OR10Q1: variants seen among roughly 807,000 people sequenced by gnomAD.
OR10Q1 encodes olfactory receptor family 10 subfamily Q member 1.
For missense variants in OR10Q1, 435 were observed against 414.0 expected (o/e 1.05, Z -0.44); for synonymous variants, 211 against 180.5 (o/e 1.17, Z -1.35).
rs1437802143 is a variant in OR10Q1 at position 58,228,581 on chromosome 11, C to T, written c.295G>A (p.Ala99Thr). 4.3e-6 allele frequency: 7 copies of T among 1,614,016 alleles called. No homozygotes were observed. The highest frequency in any genetic ancestry group is 5.9e-6 in the Non-Finnish European group (7 of 1,180,016). Residue 99 changes from alanine (A) to threonine (T), a missense_variant, in exon 1 of 1, where the codon GCT (alanine) becomes ACT (threonine). Ala to Thr is a moderately conservative substitution (Grantham distance 58, BLOSUM62 0). Transcript: ENST00000316770. ...AAGAACATTTGGGCCCCACATCCAGCCAACGAAATGGGCTTCTGGGCCCCC... is the reference window on the plus strand; with the variant it reads ...AAGAACATTTGGGCCCCACATCCAGTCAACGAAATGGGCTTCTGGGCCCCC... Reference protein sequence around the residue: ...ILGAQKPISLAGCGAQMFFFV... With the variant: ...ILGAQKPISLTGCGAQMFFFV...
Position 58,228,137 on chromosome 11 carries a change from A to G in OR10Q1, c.739T>C (p.Ser247Pro), listed in dbSNP as rs1853109062. 6.2e-7 allele frequency: 1 copy of G among 1,614,046 alleles called. No homozygotes were observed. Among genetic ancestry groups the G allele is most frequent in the Non-Finnish European group, 8.5e-7 (1 of 1,180,052 alleles). ...EGRRRAFSTC[S>P]FHLTVVLLQY... The stretch of plus-strand genomic sequence containing the variant: ...AGCAGGACCACGGTGAGGTGGAAGG[A>G]GCAGGTGGAGAAGGCCCGGCGGCGG... Residue 247 changes from serine (S) to proline (P), a missense_variant, in exon 1 of 1, where the codon TCC (serine) becomes CCC (proline). Coordinates refer to ENST00000316770, the MANE Select transcript of OR10Q1 (RefSeq NM_001004471.2).
Position 58,228,538 on chromosome 11 carries a change from C to T in OR10Q1, c.338G>A (p.Ser113Asn). The T allele has an allele frequency of 6.2e-7, 1 of 1,614,106 alleles. No homozygotes were observed. Among genetic ancestry groups the T allele is most frequent in the Non-Finnish European group, 8.5e-7 (1 of 1,180,018 alleles). The change falls in exon 1 of 1, where the codon AGC (serine) becomes AAC (asparagine). Residue 113 changes from serine to asparagine, a missense_variant. Ser to Asn is a conservative substitution (Grantham distance 46). Coordinates refer to ENST00000316770, the MANE Select transcript of OR10Q1 (RefSeq NM_001004471.2). ...AQMFFFVTLGSTDCFLLAIMA... is the reference protein window; with the variant it reads ...AQMFFFVTLGNTDCFLLAIMA... ...GATCGCCAAGAGGAAACAGTCCGTG[C>T]TGCCGAGGGTGACAAAGAAGAACAT... is the stretch of plus-strand genomic sequence containing the variant.
At position 58,227,920 on chromosome 11, in the gene OR10Q1, T is replaced by C. The variant is rs1211288420; in HGVS notation, c.956A>G (p.Asn319Ser). The C allele has an allele frequency of 6.2e-7, 1 of 1,607,778 alleles. No homozygotes were observed. The highest frequency in any genetic ancestry group is 8.5e-7 in the Non-Finnish European group (1 of 1,175,826). ...AIIRKAASDA[N>S] ...CAGCCCAGTGCCCCTAAGCCTTCAGTTGGCGTCAGAGGCTGCTTTACGGAT... is the reference window on the plus strand; with the variant it reads ...CAGCCCAGTGCCCCTAAGCCTTCAGCTGGCGTCAGAGGCTGCTTTACGGAT... The change falls in exon 1 of 1, where the codon AAC (asparagine) becomes AGC (serine). Residue 319 changes from asparagine (N) to serine (S), a missense_variant. Transcript: ENST00000316770.
At position 58,228,660 on chromosome 11, in the gene OR10Q1, G is replaced by A. The variant is rs755779407; in HGVS notation, c.216C>T (p.Phe72=). ...PMYFFLSNLS[F]LELCYTTVVV... ...CCACGGTGGTGTAGCAGAGTTCCAG[G>A]AAAGACAGGTTGGACAGGAAGAAAT... The change falls in exon 1 of 1, where the codon TTC becomes TTT. Residue 72 remains phenylalanine (F), a synonymous_variant. Coordinates refer to ENST00000316770, the MANE Select transcript of OR10Q1 (RefSeq NM_001004471.2). 4 of 1,614,124 alleles carry A rather than the reference G, an allele frequency of 2.5e-6. No homozygotes were observed. The South Asian group carries it at 3.3e-5, about 13-fold the overall frequency.
rs376488576 is a variant in OR10Q1, at chr11:58,227,937, T to C, written c.939A>G (p.Lys313=). Residue 313 remains lysine, a synonymous_variant, in exon 1 of 1, where the codon AAA becomes AAG. Transcript: ENST00000316770. Reference sequence around the variant, plus strand: ...GCCTTCAGTTGGCGTCAGAGGCTGCTTTACGGATAATGGCACTCCTCAGAG... The same window carrying C: ...GCCTTCAGTTGGCGTCAGAGGCTGCCTTACGGATAATGGCACTCCTCAGAG... ...KGALRSAIIR[K]AASDAN is the part of the protein sequence containing the mutation. The C allele has an allele frequency of 2.5e-6, 4 of 1,612,872 alleles. No individual in the cohort carries two copies. In the African/African-American group the frequency reaches 4.0e-5, roughly 16 times the overall value.
chr11:58,228,135 G>C lies in OR10Q1; in HGVS notation c.741C>G (p.Ser247=). The change falls in exon 1 of 1, where the codon TCC becomes TCG. Residue 247 remains serine (S), a synonymous_variant. Coordinates refer to ENST00000316770, the MANE Select transcript of OR10Q1 (RefSeq NM_001004471.2). ...GCAGCAGGACCACGGTGAGGTGGAA[G>C]GAGCAGGTGGAGAAGGCCCGGCGGC... The part of the protein sequence containing the change: ...EGRRRAFSTC[S]FHLTVVLLQY... The C allele has an allele frequency of 1.2e-6, 2 of 1,614,208 alleles. No individual in the cohort carries two copies. Among genetic ancestry groups the C allele is most frequent in the Non-Finnish European group, 1.7e-6 (2 of 1,180,042 alleles).
Position 58,228,585 on chromosome 11 carries a change from C to A in OR10Q1, c.291G>T (p.Ser97=), listed in dbSNP as rs780686587. The change falls in exon 1 of 1, where the codon TCG becomes TCT. Residue 97 remains serine (S), a synonymous_variant. Transcript: ENST00000316770. Reference sequence around the variant, plus strand: ...ACATTTGGGCCCCACATCCAGCCAACGAAATGGGCTTCTGGGCCCCCAAAA... The same window carrying A: ...ACATTTGGGCCCCACATCCAGCCAAAGAAATGGGCTTCTGGGCCCCCAAAA... ...SNILGAQKPI[S]LAGCGAQMFF... 9 of 1,614,128 alleles carry A rather than the reference C, an allele frequency of 5.6e-6. No individual in the cohort carries two copies. The highest frequency in any genetic ancestry group is 7.6e-6 in the Non-Finnish European group (9 of 1,180,026).
Position 58,228,851 on chromosome 11 carries a change from T to C in OR10Q1, c.25A>G (p.Asn9Asp), listed in dbSNP as rs775363216. The change falls in exon 1 of 1, where the codon AAC (asparagine) becomes GAC (aspartate). Residue 9 changes from asparagine (N) to aspartate (D), a missense_variant. Physicochemically the swap from Asn to Asp is conservative, Grantham distance 23. Transcript: ENST00000316770. MPVGKLVF[N>D]QSEPTEFVFR... ...ACAAACTCAGTGGGCTCAGACTGGT[T>C]GAAGACAAGTTTCCCCACAGGCATG... 6.2e-7 allele frequency: 1 copy of C among 1,614,042 alleles called. No individual in the cohort carries two copies.
In OR10Q1 at chr11:58,227,970, G is replaced by T; in HGVS notation, c.906C>A (p.Val302=). The T allele has an allele frequency of 6.2e-7, 1 of 1,614,084 alleles. No individual in the cohort carries two copies. Among genetic ancestry groups the T allele is most frequent in the Non-Finnish European group, 8.5e-7 (1 of 1,180,004 alleles). Residue 302 remains valine (V), a synonymous_variant, in exon 1 of 1, where the codon GTC becomes GTA. Transcript: ENST00000316770. Reference sequence around the variant, plus strand: ...TAATGGCACTCCTCAGAGCACCTTTGACATCCTTGTTCCTAAGGCTGTAAA... The same window carrying T: ...TAATGGCACTCCTCAGAGCACCTTTTACATCCTTGTTCCTAAGGCTGTAAA... The part of the protein sequence containing the change: ...PLLYSLRNKD[V]KGALRSAIIR...
Position 58,228,912 on chromosome 11 carries a change from T to A in OR10Q1, c.-37A>T, listed in dbSNP as rs756706167. 4 of 1,579,364 alleles carry A rather than the reference T, an allele frequency of 2.5e-6. No individual in the cohort carries two copies. In the African/African-American group the frequency reaches 5.5e-5, roughly 22 times the overall value. On this transcript the variant is annotated 5_prime_UTR_variant, in exon 1 of 1. In the 5' UTR this introduces an upstream ATG that the reference lacks. Transcript: ENST00000316770. ...AAGAATAGGACGCGCTGAGCTCTTCTTGGCTGAGTTGCTTTATTTCTTTTT... is the reference window on the plus strand; with the variant it reads ...AAGAATAGGACGCGCTGAGCTCTTCATGGCTGAGTTGCTTTATTTCTTTTT...
chr11:58,228,452 G>C lies in OR10Q1; in HGVS notation c.424C>G (p.Arg142Gly). 6.2e-7 allele frequency: 1 copy of C among 1,614,118 alleles called. No homozygotes were observed. The highest frequency in any genetic ancestry group is 8.5e-7 in the Non-Finnish European group (1 of 1,180,008). ...CCCAGCATCTGCGTGCACAGCTCGC[G>C]GGTCATGATGAGGGTGTAGTGCAGC... ...HPLHYTLIMT[R>G]ELCTQMLGGA... The change falls in exon 1 of 1, where the codon CGC (arginine) becomes GGC (glycine). Residue 142 changes from arginine to glycine, a missense_variant. Arg to Gly is a moderately radical substitution (Grantham distance 125, BLOSUM62 -2). Coordinates refer to ENST00000316770, the MANE Select transcript of OR10Q1 (RefSeq NM_001004471.2).
rs1565112483 is a variant in OR10Q1, at chr11:58,228,179, T to G, written c.697A>C (p.Ile233Leu). Residue 233 changes from isoleucine to leucine, a missense_variant, in exon 1 of 1, where the codon ATC (isoleucine) becomes CTC (leucine). By Grantham distance (5) the Ile-to-Leu change is conservative. Transcript: ENST00000316770. ...CGGCGGCGGCCCTCGGCAGAACGGA[T>G]GCTCAGGATGGCACAGGTGATGAAC... is the stretch of plus-strand genomic sequence containing the variant. Reference protein sequence around the residue: ...YVFITCAILSIRSAEGRRRAF... With the variant: ...YVFITCAILSLRSAEGRRRAF... The G allele has an allele frequency of 6.2e-7, 1 of 1,614,080 alleles. No homozygotes were observed. The highest frequency in any genetic ancestry group is 8.5e-7 in the Non-Finnish European group (1 of 1,180,004).
rs776415783 is a variant in OR10Q1 at position 58,228,882 on chromosome 11, T to C, written c.-7A>G. 1.2e-5 allele frequency: 19 copies of C among 1,612,874 alleles called. No individual in the cohort carries two copies. The highest frequency in any genetic ancestry group is 1.4e-5 in the Non-Finnish European group (17 of 1,179,234). The stretch of plus-strand genomic sequence containing the variant: ...CAAGTTTCCCCACAGGCATGTCTTA[T>C]GCAAAAGAATAGGACGCGCTGAGCT... On this transcript the variant is annotated 5_prime_UTR_variant, in exon 1 of 1. Transcript: ENST00000316770.
In OR10Q1 at chr11:58,228,535, G is replaced by T. The variant is rs371742366; in HGVS notation, c.341C>A (p.Thr114Lys). 6.2e-7 allele frequency: 1 copy of T among 1,614,126 alleles called. No individual in the cohort carries two copies. Among genetic ancestry groups the T allele is most frequent in the Non-Finnish European group, 8.5e-7 (1 of 1,180,022 alleles). Residue 114 changes from threonine (T) to lysine (K), a missense_variant, in exon 1 of 1, where the codon ACG becomes AAG. Transcript: ENST00000316770. ...CATGATCGCCAAGAGGAAACAGTCC[G>T]TGCTGCCGAGGGTGACAAAGAAGAA... ...QMFFFVTLGS[T>K]DCFLLAIMAY...
rs771845178 is a variant in OR10Q1 at position 58,228,368 on chromosome 11, G to A, written c.508C>T (p.Leu170=). The part of the protein sequence containing the change: ...SLQLTALIFT[L]PFCGHHQEIN... ...TCCTGGTGGTGGCCGCAAAAGGGCA[G>A]GGTGAAGATTAAGGCGGTGAGCTGC... The change falls in exon 1 of 1, where the codon CTG becomes TTG. Residue 170 remains leucine, a synonymous_variant. Coordinates refer to ENST00000316770, the MANE Select transcript of OR10Q1 (RefSeq NM_001004471.2). 4.3e-6 allele frequency: 7 copies of A among 1,613,852 alleles called. No homozygotes were observed. The highest frequency in any genetic ancestry group is 5.9e-6 in the Non-Finnish European group (7 of 1,180,036).
Position 58,228,674 on chromosome 11 carries a change from A to G in OR10Q1, c.202T>C (p.Ser68Pro), listed in dbSNP as rs1448803366. 8 of 1,614,008 alleles carry G rather than the reference A, an allele frequency of 5.0e-6. No individual in the cohort carries two copies. Among genetic ancestry groups the G allele is most frequent in the Non-Finnish European group, 6.8e-6 (8 of 1,180,044 alleles). Residue 68 changes from serine to proline, a missense_variant, in exon 1 of 1, where the codon TCC (serine) becomes CCC (proline). Physicochemically the swap from Ser to Pro is moderately conservative, Grantham distance 74. Coordinates refer to ENST00000316770, the MANE Select transcript of OR10Q1 (RefSeq NM_001004471.2). The stretch of plus-strand genomic sequence containing the variant: ...CAGAGTTCCAGGAAAGACAGGTTGG[A>G]CAGGAAGAAATACATCGGGGTGCGG... ...TLRTPMYFFL[S>P]NLSFLELCYT... is the part of the protein sequence containing the mutation.
rs750136459 is a variant in OR10Q1 at position 58,228,006 on chromosome 11, G to T, written c.870C>A (p.Leu290=). The T allele has an allele frequency of 6.8e-6, 11 of 1,614,156 alleles. No individual in the cohort carries two copies. The East Asian group carries it at 1.6e-4, about 23-fold the overall frequency. The change falls in exon 1 of 1, where the codon CTC becomes CTA. Residue 290 remains leucine (L), a synonymous_variant. Transcript: ENST00000316770. ...ALVYTFVTPL[L]NPLLYSLRNK... is the part of the protein sequence containing the mutation. ...TCCTAAGGCTGTAAAGCAAAGGGTT[G>T]AGTAAGGGGGTGACAAAGGTGTAGA...
chr11:58,227,898 C>A lies in OR10Q1; in HGVS notation c.*18G>T. On this transcript the variant is annotated 3_prime_UTR_variant, in exon 1 of 1. Coordinates refer to ENST00000316770, the MANE Select transcript of OR10Q1 (RefSeq NM_001004471.2). ...GACACAGCAACAGACAGACACCCAG[C>A]CCAGTGCCCCTAAGCCTTCAGTTGG... 6.3e-7 allele frequency: 1 copy of A among 1,593,734 alleles called. No individual in the cohort carries two copies. Among genetic ancestry groups the A allele is most frequent in the Non-Finnish European group, 8.6e-7 (1 of 1,168,042 alleles).
At position 58,228,754 on chromosome 11, in the gene OR10Q1, A is replaced by G. The variant is rs753525334; in HGVS notation, c.122T>C (p.Met41Thr). 1.6e-5 allele frequency: 26 copies of G among 1,613,986 alleles called. No homozygotes were observed. Among genetic ancestry groups the G allele is most frequent in the Non-Finnish European group, 2.0e-5 (24 of 1,179,994 alleles). ...LFLLFLLLYL[M>T]ILCGNTAIIW... is the part of the protein sequence containing the mutation. ...GATGGCTGTGTTGCCACAGAGGATC[A>G]TCAAGTAGAGGAGGAGGAAGAGAAG... Residue 41 changes from methionine (M) to threonine (T), a missense_variant, in exon 1 of 1, where the codon ATG becomes ACG. By Grantham distance (81) the Met-to-Thr change is moderately conservative (BLOSUM62 -1). Coordinates refer to ENST00000316770, the MANE Select transcript of OR10Q1 (RefSeq NM_001004471.2).
Sources: allele counts gnomAD v4.1 joint callset, GRCh38; gene constraint gnomAD v4.1.1; transcripts MANE v1.5; gene names NCBI Gene and HGNC (gene_info 2026-07-23, HGNC 2026-07-21).